The following RNF14 variants were observed in gnomAD, a reference collection of about 807,000 sequenced individuals.
The protein encoded by RNF14 is ring finger protein 14.
Under a neutral mutation model 52.6 loss-of-function variants are expected in RNF14, and 26 were observed. The observed-to-expected ratio is 0.49, with a 90% CI of 0.36 to 0.69. The LOEUF (loss-of-function observed/expected upper bound fraction) is 0.69, where lower values mean the gene tolerates loss of function less well. RNF14 is among the 30% of genes least tolerant of loss of function. The pLI is 0.00. For missense variants in RNF14, 404 were observed against 560.4 expected, an observed-to-expected ratio of 0.72 and a Z score of 2.82; for synonymous variants, 194 against 202.0, an observed-to-expected ratio of 0.96 and a Z score of 0.34.
chr5:141,983,323 A>AT, intron 6 of RNF14, 57 bp from the exon 7 acceptor site: 2 of 1,341,154 alleles, frequency 1.5e-6, no homozygotes, highest in Non-Finnish European at 2.1e-6. Context: ...ATTTTTAATG[A>AT]TTTTTGGTCA....
chr5:141,971,809 G>A (rs1438681665), intron 2 of RNF14, among the ~76,000 whole-genome samples: 5 of 150,710 alleles, frequency 3.3e-5, no homozygotes, highest in Admixed American at 2.0e-4. Flanking sequence ...CACAATGCCC[G>A]GCTAATTTTT....
chr5:141,967,980 G>A (rs945310722), upstream of RNF14, among the ~76,000 whole-genome samples: 3 of 152,128 alleles, frequency 2.0e-5, no homozygotes, highest in South Asian at 2.1e-4. Flanking sequence ...ATCTATTAGC[G>A]GTATCTATTA....
At chr5:141,957,698 C>G (rs757602677), upstream of RNF14, 4 of 1,614,194 alleles carry the variant, frequency 2.5e-6, no homozygotes, top group Non-Finnish European at 3.4e-6. The surrounding 1 kb of genome is among the most constrained non-coding windows in gnomAD (Gnocchi z 4.3). Context: ...CGGCCCAGTT[C>G]CTGGGACAGC....
upstream of RNF14, chr5:141,957,473 C>G (rs140436253): frequency 8.4e-5 from 136 of 1,612,782 alleles, no homozygotes; most frequent in Non-Finnish European, 1.1e-4. This position sits in a 1 kb window ranked among gnomAD's most constrained non-coding sequence, Gnocchi z 4.3. Flanking sequence ...TCATTGATGT[C>G]CAGCACTTGG....
chr5:141,956,675 G>C (rs1048246978), upstream of RNF14: 26 of 1,614,124 alleles, frequency 1.6e-5, no homozygotes, highest in Non-Finnish European at 2.2e-5. Flanking sequence ...TCTTGGCTCA[G>C]CCAGCAGTGG....
At chr5:141,954,739 TTTACAG>T (rs1157489748), upstream of RNF14, among the ~76,000 whole-genome samples, 1 of 152,212 alleles carries the variant, frequency 6.6e-6, no homozygotes, top group Non-Finnish European at 1.5e-5. Context: ...TCATCTCTAA[TTTACAG>T]ATAAGACAAC....
chr5:141,978,782 C>T lies in RNF14; in HGVS notation c.786C>T (p.Cys262=), dbSNP rs773944964. The T allele has an allele frequency of 5.0e-6, 8 of 1,613,972 alleles. No individual in the cohort carries two copies. In the South Asian group the frequency reaches 8.8e-5, roughly 18 times the overall value. The change falls in exon 5 of 9, where the codon TGC becomes TGT. Residue 262 remains cysteine (C), a synonymous_variant. Coordinates refer to ENST00000394520, the MANE Select transcript of RNF14 (RefSeq NM_004290.5). ...AGATCAGAGATGGCCAGGTTCAATG[C>T]CTCAACTGCCCAGAACCAAAGTGCC... is the stretch of plus-strand genomic sequence containing the variant. ...EIQIRDGQVQ[C]LNCPEPKCPS...
upstream of RNF14, chr5:141,956,959 T>C: frequency 6.2e-7 from 1 of 1,614,208 alleles, no homozygotes; most frequent in South Asian, 1.1e-5. Context: ...TGTCTTGGCA[T>C]CAATACTGAA....
At position 141,989,973 on chromosome 5, in the gene RNF14, GC is replaced by G. The variant is rs1379662820; in HGVS notation, c.*2185del. The G allele has an allele frequency of 1.3e-5, 2 of 152,214 alleles. No homozygotes were observed. The highest frequency in any genetic ancestry group is 2.9e-5 in the Non-Finnish European group (2 of 68,020). 9.4% of individuals were successfully genotyped at this position (152,214 alleles called of 1,614,324 possible). ...ATACAGTTTTATGAAAGAAATGGGA[GC>G]CTTTTTTCCCATTTATGATATTAAA... On this transcript the variant is annotated 3_prime_UTR_variant, in exon 9 of 9. Transcript: ENST00000394520.
chr5:141,961,167 T>C (rs898868850), intron 1 of RNF14, among the ~76,000 whole-genome samples: 1 of 152,204 alleles, frequency 6.6e-6, no homozygotes, highest in Non-Finnish European at 1.5e-5. Flanking sequence ...GACATTGTTT[T>C]ATCTATATAT....
At chr5:141,967,099 GA>G (rs1753368754), upstream of RNF14, among the ~76,000 whole-genome samples, 1 of 152,180 alleles carries the variant, frequency 6.6e-6, no homozygotes, top group African/African-American at 2.4e-5. Flanking sequence ...CAGAAAATTA[GA>G]AGTGATTATT....
At chr5:141,955,625 C>T, upstream of RNF14, 2 of 1,614,178 alleles carry the variant, frequency 1.2e-6, no homozygotes. This position sits in a 1 kb window ranked among gnomAD's most constrained non-coding sequence, Gnocchi z 5.5. Flanking sequence ...TCCTTCTTTT[C>T]TGTCCGGCAG....
upstream of RNF14, chr5:141,957,713 C>CG (rs2126931334): frequency 6.2e-7 from 1 of 1,614,092 alleles, no homozygotes; most frequent in East Asian, 2.2e-5. This position sits in a 1 kb window ranked among gnomAD's most constrained non-coding sequence, Gnocchi z 4.3. Context: ...GACAGCTTCC[C>CG]GATCACTGTA....
intron 6 of RNF14, among the ~76,000 whole-genome samples, chr5:141,982,914 C>A (rs547589976): frequency 6.6e-6 from 1 of 152,240 alleles, no homozygotes; most frequent in Admixed American, 6.5e-5. Context: ...TAACTGCATA[C>A]TTCTAGATGC....
intron 1 of RNF14, among the ~76,000 whole-genome samples, chr5:141,959,557 C>G (rs1304497241): frequency 1.3e-5 from 2 of 152,180 alleles, no homozygotes; most frequent in African/African-American, 4.8e-5. Context: ...CTACTAAGCC[C>G]TTGGGGCCAG....
chr5:141,976,045 T>G (rs758285475), intron 4 of RNF14, among the ~76,000 whole-genome samples: 1 of 152,210 alleles, frequency 6.6e-6, no homozygotes, highest in Non-Finnish European at 1.5e-5. Flanking sequence ...ATCTAATCTT[T>G]TAAGTGAGAG....
At chr5:141,985,316 G>C (rs1293912228) in intron 8 of RNF14, among the ~76,000 whole-genome samples, 1 of 152,086 alleles carries the variant, frequency 6.6e-6, no homozygotes, top group South Asian at 2.1e-4. Context: ...TTTCTCCTAA[G>C]ATAAGGAAAT....
chr5:141,984,877 C>G lies in RNF14; in HGVS notation c.1311C>G (p.Leu437=). Residue 437 remains leucine, a synonymous_variant, in exon 8 of 9, where the codon CTC becomes CTG. Transcript: ENST00000394520. The part of the protein sequence containing the change: ...QYFCWICMGS[L]SRANPYKHFN... ...TCTGTTGGATTTGCATGGGTTCTCTCTCTAGAGCAAACCCTTACAAACATT... is the reference window on the plus strand; with the variant it reads ...TCTGTTGGATTTGCATGGGTTCTCTGTCTAGAGCAAACCCTTACAAACATT... The G allele has an allele frequency of 6.2e-7, 1 of 1,613,826 alleles. No homozygotes were observed. The highest frequency in any genetic ancestry group is 1.7e-4 in the Middle Eastern group (1 of 6,058).
rs1407228852 is a variant in RNF14 at position 141,988,970 on chromosome 5, G to A, written c.*1180G>A. The A allele has an allele frequency of 2.0e-5, 3 of 152,270 alleles. No homozygotes were observed. The highest frequency in any genetic ancestry group is 7.2e-5 in the African/African-American group (3 of 41,422). 9.4% of individuals were successfully genotyped at this position (152,270 alleles called of 1,614,324 possible). On this transcript the variant is annotated 3_prime_UTR_variant, in exon 9 of 9. Coordinates refer to ENST00000394520, the MANE Select transcript of RNF14 (RefSeq NM_004290.5). Reference sequence around the variant, plus strand: ...TTCCTTATCATTGGTGGGAGGCTTGGTAGCAAAGTAACATTTTTTGGAAAA... The same window carrying A: ...TTCCTTATCATTGGTGGGAGGCTTGATAGCAAAGTAACATTTTTTGGAAAA...
Sources: allele counts gnomAD v4.1 joint callset (sites outside exome capture counted in the v4.1 genomes callset), GRCh38; gene constraint gnomAD v4.1.1; non-coding constraint Gnocchi (gnomAD v3.1); transcripts MANE v1.5; gene names NCBI Gene and HGNC (gene_info 2026-07-23, HGNC 2026-07-21).